The following LAMB3 variants were observed in gnomAD, a reference collection of about 807,000 sequenced individuals.
LAMB3 encodes laminin subunit beta 3.
In LAMB3, 104 loss-of-function variants were observed where a neutral mutation model predicts 140.3. That is an observed-to-expected ratio of 0.74 (90% CI 0.63 to 0.87). LAMB3 has a LOEUF of 0.87. Ranked by LOEUF, LAMB3 falls within the 40% of genes least tolerant of loss-of-function variation. The pLI, the probability that LAMB3 is intolerant of heterozygous loss-of-function variation, is 0.00. For missense variants in LAMB3, 1,531 were observed against 1,575.2 expected, an observed-to-expected ratio of 0.97 and a Z score of 0.47; for synonymous variants, 592 against 602.9, an observed-to-expected ratio of 0.98 and a Z score of 0.26.
chr1:209,624,178 CA>C (rs1666331099), intron 14 of LAMB3, among the ~76,000 whole-genome samples, 178 bp from the exon 15 acceptor site: 1 of 152,182 alleles, frequency 6.6e-6, no homozygotes, highest in African/African-American at 2.4e-5. Flanking sequence ...TGGCGACCAG[CA>C]CAATCTTTCT....
rs1666319703 is a variant in LAMB3 at position 209,623,924 on chromosome 1, G to A, written c.2053C>T (p.Leu685Phe). Residue 685 changes from leucine to phenylalanine, a missense_variant, in exon 15 of 23, where the codon CTT (leucine) becomes TTT (phenylalanine). Coordinates refer to ENST00000356082, the MANE Select transcript of LAMB3 (RefSeq NM_000228.3). This position sits in a 1 kb window ranked among gnomAD's most constrained non-coding sequence, Gnocchi z 4.2. ...AGGAGACCATTGAAGCTTCTGTCAA[G>A]ACTCTCCAGGTCTCTCGGAAGGGAC... ...TLSLPRDLES[L>F]DRSFNGLLTM... 1 of 1,613,980 alleles carries A rather than the reference G, an allele frequency of 6.2e-7. No individual in the cohort carries two copies. Among genetic ancestry groups the A allele is most frequent in the Non-Finnish European group, 8.5e-7 (1 of 1,179,958 alleles).
chr1:209,634,949 CT>C (rs138610479), intron 5 of LAMB3, among the ~76,000 whole-genome samples: 12 of 136,976 alleles, frequency 8.8e-5, no homozygotes, highest in African/African-American at 2.8e-4. Context: ...CTCTCTCTCT[CT>C]CTCTCTCCTC....
rs760672832 is a variant in LAMB3 at position 209,650,937 on chromosome 1, G to C, written c.8C>G (p.Pro3Arg). Residue 3 changes from proline (P) to arginine (R), a missense_variant, in exon 2 of 23, where the codon CCA becomes CGA. By Grantham distance (103) the Pro-to-Arg change is moderately radical (BLOSUM62 -2). Coordinates refer to ENST00000356082, the MANE Select transcript of LAMB3 (RefSeq NM_000228.3). MR[P>R]FFLLCFALPG... ...CTTACCAAAACACAAGAGGAAGAAT[G>C]GTCTCATCTTCAGCCAATGGGGTGA... 1 of 1,614,026 alleles carries C rather than the reference G, an allele frequency of 6.2e-7. No individual in the cohort carries two copies. The highest frequency in any genetic ancestry group is 8.5e-7 in the Non-Finnish European group (1 of 1,180,018).
At chr1:209,634,949 CTCT>C (rs1341716657) in intron 5 of LAMB3, among the ~76,000 whole-genome samples, 1 of 136,872 alleles carries the variant, frequency 7.3e-6, no homozygotes, top group African/African-American at 2.6e-5. Flanking sequence ...CTCTCTCTCT[CTCT>C]CTCTCCTCTC....
In LAMB3 at chr1:209,623,210, A is replaced by G. The variant is rs772863987; in HGVS notation, c.2359-31T>C. 1.2e-6 allele frequency: 2 copies of G among 1,611,234 alleles called. No individual in the cohort carries two copies. The highest frequency in any genetic ancestry group is 2.2e-5 in the East Asian group (1 of 44,818). Reference sequence around the variant, plus strand: ...GACAGATGGCGGTGTTAAAGAGGCTACCCAAAGCCCCTCAATAACCAATCC... The same window carrying G: ...GACAGATGGCGGTGTTAAAGAGGCTGCCCAAAGCCCCTCAATAACCAATCC... On this transcript the variant is annotated intron_variant, in intron 16 of 22. Transcript: ENST00000356082. The surrounding 1 kb of genome is among the most constrained non-coding windows in gnomAD (Gnocchi z 4.2).
intron 10 of LAMB3, 90 bp downstream of exon 10, chr1:209,629,647 G>T: frequency 1.6e-6 from 2 of 1,282,552 alleles, no homozygotes; most frequent in Non-Finnish European, 2.3e-6. Context: ...GAGGGCCTTG[G>T]TGTGCCCAGG....
At chr1:209,622,269 G>A (rs1228720400) in intron 18 of LAMB3, among the ~76,000 whole-genome samples, 1 of 152,204 alleles carries the variant, frequency 6.6e-6, no homozygotes, top group Non-Finnish European at 1.5e-5. Context: ...TTTTAAGCAG[G>A]AGTGAGATGT....
At chr1:209,638,004 C>T (rs1272236258) in intron 4 of LAMB3, 23 bp from the exon 5 acceptor site, 1 of 1,597,870 alleles carries the variant, frequency 6.3e-7, no homozygotes, top group South Asian at 1.1e-5. Context: ...AAAATAGAAA[C>T]TGTCATCCAG....
At chr1:209,651,164 T>C (rs2076563676) in intron 1 of LAMB3, 183 bp from the exon 2 acceptor site, 1 of 599,392 alleles carries the variant, frequency 1.7e-6, no homozygotes, top group African/African-American at 1.9e-5. Context: ...TAGACCCTTG[T>C]CTCAAGTGGC....
At chr1:209,630,571 C>G in intron 9 of LAMB3, 44 bp downstream of exon 9, 2 of 1,612,378 alleles carry the variant, frequency 1.2e-6, no homozygotes, top group Non-Finnish European at 8.5e-7. Flanking sequence ...GGGGCCAGCA[C>G]TCGACCCAGA....
intron 12 of LAMB3, 45 bp downstream of exon 12, chr1:209,627,337 AC>A (rs1258043104): frequency 2.7e-6 from 4 of 1,497,866 alleles, no homozygotes; most frequent in Admixed American, 3.4e-5. Context: ...GGTGCTCAGG[AC>A]CCCCCTCCCA....
At chr1:209,651,289 A>T (rs1251460184) in intron 1 of LAMB3, 1 of 367,452 alleles carries the variant, frequency 2.7e-6, no homozygotes, top group Non-Finnish European at 5.2e-6. Context: ...AGCCGTAAGG[A>T]CAACGTGGGG....
intron 4 of LAMB3, 57 bp downstream of exon 4, chr1:209,638,477 C>T (rs1273191842): frequency 8.7e-7 from 1 of 1,148,228 alleles, no homozygotes; most frequent in Non-Finnish European, 1.3e-6. Context: ...CACCTTCCAT[C>T]CGTCTTATCC....
intron 18 of LAMB3, among the ~76,000 whole-genome samples, chr1:209,619,139 G>A (rs1347820284): frequency 1.3e-5 from 2 of 152,180 alleles, no homozygotes; most frequent in Non-Finnish European, 2.9e-5. Context: ...TCAAGTCTCT[G>A]CTGGAATATC....
rs1294787278 is a variant in LAMB3 at position 209,628,189 on chromosome 1, G to A, written c.1134C>T (p.Ser378=). Residue 378 remains serine (S), a splice_region_variant and synonymous_variant, in exon 11 of 23, where the codon TCC becomes TCT. Transcript: ENST00000356082. ...CTGCCCCATCCGGATCACACTCGCA[G>A]GCTGAGAGACAACAGCAGCCACCGC... ...PGASIQETCI[S]CECDPDGAVP... is the part of the protein sequence containing the mutation. 2 of 1,556,662 alleles carry A rather than the reference G, an allele frequency of 1.3e-6. No individual in the cohort carries two copies. Among genetic ancestry groups the A allele is most frequent in the South Asian group, 2.4e-5 (2 of 84,678 alleles).
chr1:209,618,776 G>T, intron 18 of LAMB3, 117 bp from the exon 19 acceptor site: 1 of 945,226 alleles, frequency 1.1e-6, no homozygotes, highest in Non-Finnish European at 1.6e-6. Context: ...CTACCGTGGT[G>T]TCCCAAGGAG....
At chr1:209,632,987 C>A in intron 7 of LAMB3, 83 bp downstream of exon 7, 2 of 1,187,494 alleles carry the variant, frequency 1.7e-6, no homozygotes, top group Non-Finnish European at 2.5e-6. Context: ...CATGAAAGAC[C>A]AGGAAATTTC....
chr1:209,630,012 TAAC>T, intron 9 of LAMB3, 87 bp from the exon 10 acceptor site: 2 of 1,281,886 alleles, frequency 1.6e-6, no homozygotes, highest in Non-Finnish European at 2.2e-6. Context: ...CTGGCATCTG[TAAC>T]AACTCTGCAA....
intron 11 of LAMB3, 84 bp downstream of exon 11, chr1:209,627,951 G>C: frequency 6.7e-7 from 1 of 1,495,600 alleles, no homozygotes; most frequent in South Asian, 1.2e-5. Context: ...CCTCTGAAGA[G>C]AGCACAGTGA....
Sources: gnomAD v4.1 joint callset for allele counts (sites outside exome capture counted in the v4.1 genomes callset) on GRCh38, gnomAD v4.1.1 for gene constraint, Gnocchi (gnomAD v3.1) non-coding constraint, MANE v1.5 for transcripts, NCBI Gene and HGNC (gene_info 2026-07-23, HGNC 2026-07-21) for gene names.